TRIM5: variants seen among roughly 807,000 people sequenced by gnomAD.
The protein encoded by TRIM5 is tripartite motif containing 5.
In TRIM5, 31 loss-of-function variants were observed where a neutral mutation model predicts 35.6. The ratio of observed to expected loss-of-function variants is 0.87; its 90% CI spans 0.65 to 1.18. The LOEUF (loss-of-function observed/expected upper bound fraction) is 1.18. TRIM5 is among the 50% of genes most tolerant of loss of function. TRIM5 has a pLI of 0.00. For synonymous variants in TRIM5, 243 were observed against 215.6 expected (o/e 1.13, Z -1.11); for missense variants, 609 against 591.6 (o/e 1.03, Z -0.31).
At chr11:5,605,395 T>C in the TRIM5 span, 794 of 1,614,114 alleles carry the variant, frequency 4.9e-4, 1 homozygote, top group Admixed American at 2.7e-3. Context: ...CTGCGAAATA[T>C]CCTAGACAGA....
At chr11:5,683,568 T>G (rs1852724930) in intron 1 of TRIM5, among the ~76,000 whole-genome samples, 1 of 151,954 alleles carries the variant, frequency 6.6e-6, no homozygotes, top group Non-Finnish European at 1.5e-5. Context: ...TGTATCTAGC[T>G]CAAGGTTTGT....
At chr11:5,673,102 T>C (rs2134072016) in intron 4 of TRIM5, among the ~76,000 whole-genome samples, 1 of 152,294 alleles carries the variant, frequency 6.6e-6, no homozygotes, top group East Asian at 1.9e-4. Context: ...TTAAATGTTA[T>C]AATGAAAACC....
At chr11:5,599,555 C>G in the TRIM5 span, among the ~76,000 whole-genome samples, 1 of 152,150 alleles carries the variant, frequency 6.6e-6, no homozygotes, top group Non-Finnish European at 1.5e-5. Context: ...AGGCATCCGC[C>G]ACTACACCCA....
chr11:5,672,075 T>G (rs368205644), intron 4 of TRIM5, among the ~76,000 whole-genome samples: 1 of 152,164 alleles, frequency 6.6e-6, no homozygotes, highest in South Asian at 2.1e-4. Flanking sequence ...AATGACTTAT[T>G]GAAAGCACTA....
the TRIM5 span, chr11:5,604,747 C>A: frequency 9.2e-7 from 1 of 1,088,848 alleles, no homozygotes; most frequent in East Asian, 2.6e-5. Context: ...GAAGAGCTTC[C>A]CTTTGCCTGG....
At position 5,664,219 on chromosome 11, in the gene TRIM5, AAAAAG is replaced by A; in HGVS notation, c.*585_*589del. On this transcript the variant is annotated 3_prime_UTR_variant, in exon 8 of 8. Coordinates refer to ENST00000380034, the MANE Select transcript of TRIM5 (RefSeq NM_033034.3). ...TTCATCTCAAAAAAAAAAAAAAAGA[AAAAAG>A]AAAAGAAAAGGAAATAAGCACAGCC... 1 of 978,314 alleles carries A rather than the reference AAAAAG, an allele frequency of 1.0e-6. No homozygotes were observed. Among genetic ancestry groups the A allele is most frequent in the Non-Finnish European group, 1.2e-6 (1 of 823,904 alleles). The allele number at this position is 978,314 out of a possible 1,614,324, so 60.6% of individuals were successfully genotyped here. A position where few individuals can be genotyped will look rare whatever the true frequency, so the allele number is the denominator to read the frequency against.
chr11:5,591,855 G>A, the TRIM5 span, among the ~76,000 whole-genome samples: 2 of 152,166 alleles, frequency 1.3e-5, no homozygotes, highest in East Asian at 3.9e-4. Context: ...TTGCATGCTT[G>A]GTTTATCTAG....
chr11:5,659,384 A>G (rs1483453211), downstream of TRIM5, among the ~76,000 whole-genome samples: 3 of 152,190 alleles, frequency 2.0e-5, no homozygotes, highest in Non-Finnish European at 2.9e-5. Context: ...CCAAATTTGC[A>G]GAGCTTTATA....
At chr11:5,658,585 C>T (rs1850708496), downstream of TRIM5, among the ~76,000 whole-genome samples, 1 of 152,214 alleles carries the variant, frequency 6.6e-6, no homozygotes, top group South Asian at 2.1e-4. Flanking sequence ...GTCTATTACC[C>T]TGAATATTCT....
the TRIM5 span, chr11:5,604,717 G>A: frequency 1.8e-5 from 25 of 1,366,892 alleles, no homozygotes; most frequent in Admixed American, 2.3e-5. Flanking sequence ...TGTCCTGTCT[G>A]TCCTCTGATG....
chr11:5,648,399 A>G, the TRIM5 span, among the ~76,000 whole-genome samples: 4 of 151,962 alleles, frequency 2.6e-5, no homozygotes, highest in Non-Finnish European at 4.4e-5. Context: ...CCAGCTACTC[A>G]GTTGGCTGAG....
At chr11:5,632,139 C>A in the TRIM5 span, 1 of 1,441,106 alleles carries the variant, frequency 6.9e-7, no homozygotes, top group Non-Finnish European at 9.2e-7. Context: ...TTTGGTTTCT[C>A]TTCCTCATCT....
At chr11:5,643,680 C>A in the TRIM5 span, 1 of 1,609,136 alleles carries the variant, frequency 6.2e-7, no homozygotes, top group African/African-American at 1.3e-5. Context: ...CTGTCCAGCT[C>A]CCATGACTCT....
the TRIM5 span, chr11:5,633,884 G>A: frequency 8.1e-5 from 131 of 1,613,934 alleles, 1 homozygote; most frequent in Non-Finnish European, 1.1e-4. Flanking sequence ...TCAGAGAAGA[G>A]AAAACTTCCT....
chr11:5,645,878 A>ATATAT, the TRIM5 span: 4 of 149,464 alleles, frequency 2.7e-5, no homozygotes, highest in African/African-American at 3.4e-5. Context: ...AAAAAAAAAA[A>ATATAT]AAATATATAT....
At position 5,679,789 on chromosome 11, in the gene TRIM5, AG is replaced by A. The variant is rs762050407; in HGVS notation, c.388del (p.Leu130SerfsTer11). On this transcript the variant is annotated frameshift_variant, in exon 2 of 8. Coordinates refer to ENST00000380034, the MANE Select transcript of TRIM5 (RefSeq NM_033034.3). LOFTEE classifies it high-confidence loss of function. Reference protein sequence around the residue: ...SQEHRGHHTFLTEEVAREYQV... With the variant: ...SQEHRGHHTFXTEEVAREYQV... Reference sequence around the variant, plus strand: ...GTACTCCCGGGCAACCTCCTCTGTGAGGAACGTGTGGTGACCACGGTGCTCC... The same window carrying A: ...GTACTCCCGGGCAACCTCCTCTGTGAGAACGTGTGGTGACCACGGTGCTCC... 1 of 1,606,144 alleles carries A rather than the reference AG, an allele frequency of 6.2e-7. No individual in the cohort carries two copies. Among genetic ancestry groups the A allele is most frequent in the South Asian group, 1.1e-5 (1 of 89,948 alleles).
At chr11:5,653,150 C>A in the TRIM5 span, among the ~76,000 whole-genome samples, 3 of 152,202 alleles carry the variant, frequency 2.0e-5, no homozygotes, top group African/African-American at 7.2e-5. Flanking sequence ...CTGTACCCGG[C>A]CATCTCTGAT....
chr11:5,623,922 TATGTA>T, the TRIM5 span, among the ~76,000 whole-genome samples: 5 of 152,194 alleles, frequency 3.3e-5, no homozygotes, highest in Non-Finnish European at 7.3e-5. Context: ...CACCTTTTAT[TATGTA>T]ATGTGCTCTA....
At chr11:5,635,342 G>A in the TRIM5 span, among the ~76,000 whole-genome samples, 8 of 147,496 alleles carry the variant, frequency 5.4e-5, no homozygotes, top group East Asian at 1.4e-3. Context: ...TGCAAGCTCC[G>A]CCTCCCAGGT....
Sources: gnomAD v4.1 joint callset for allele counts (sites outside exome capture counted in the v4.1 genomes callset) on GRCh38, gnomAD v4.1.1 for gene constraint, MANE v1.5 for transcripts, NCBI Gene and HGNC (gene_info 2026-07-23, HGNC 2026-07-21) for gene names.